AUH: variants seen among roughly 807,000 people sequenced by gnomAD.
AUH encodes AU RNA binding methylglutaconyl-CoA hydratase.
Under a neutral mutation model 42.3 loss-of-function variants are expected in AUH, and 29 were observed. The ratio of observed to expected loss-of-function variants is 0.69; its 90% CI spans 0.51 to 0.93. The LOEUF (loss-of-function observed/expected upper bound fraction) is 0.93. Among genes scored for constraint, AUH ranks in the 40% least tolerant of loss-of-function variants. The probability of loss-of-function intolerance (pLI) is 0.00; values close to 1 mark genes in which losing one functional copy is unlikely to be tolerated. For missense variants in AUH, 452 were observed against 438.1 expected (o/e 1.03, Z -0.28); for synonymous variants, 174 against 166.4 (o/e 1.05, Z -0.35).
At chr9:91,361,386 T>C (rs1458959145) in intron 1 of AUH, among the ~76,000 whole-genome samples, 1 of 152,222 alleles carries the variant, frequency 6.6e-6, no homozygotes, top group Non-Finnish European at 1.5e-5. Flanking sequence ...CCGCGCTGAA[T>C]GCGGTCACTT....
intron 6 of AUH, among the ~76,000 whole-genome samples, chr9:91,227,037 T>C (rs1827540243): frequency 6.6e-6 from 1 of 151,946 alleles, no homozygotes; most frequent in Non-Finnish European, 1.5e-5. Context: ...CAATGCGGGC[T>C]CTTTTTTGGT....
At chr9:91,356,453 A>C (rs1832425252) in intron 1 of AUH, among the ~76,000 whole-genome samples, 1 of 152,236 alleles carries the variant, frequency 6.6e-6, no homozygotes, top group Non-Finnish European at 1.5e-5. Flanking sequence ...GTAACCGCTA[A>C]TAAACCTTGT....
chr9:91,222,342 G>A (rs377537639), intron 6 of AUH, among the ~76,000 whole-genome samples: 21 of 152,172 alleles, frequency 1.4e-4, no homozygotes, highest in Admixed American at 2.0e-4. Context: ...GTTAAGAACC[G>A]TAATTAATAT....
chr9:91,253,015 T>C (rs1829220357), intron 6 of AUH, among the ~76,000 whole-genome samples: 1 of 152,226 alleles, frequency 6.6e-6, no homozygotes, highest in South Asian at 2.1e-4. Context: ...GGTCCATTAC[T>C]CTTCAGAGAA....
At chr9:91,321,389 GT>G (rs750854460) in intron 4 of AUH, among the ~76,000 whole-genome samples, 1 of 151,574 alleles carries the variant, frequency 6.6e-6, no homozygotes, top group African/African-American at 2.4e-5. Context: ...TTTTTGTTTT[GT>G]TTTTTCTTGA....
chr9:91,275,866 C>A (rs1825499737), intron 6 of AUH, among the ~76,000 whole-genome samples: 1 of 152,176 alleles, frequency 6.6e-6, no homozygotes, highest in South Asian at 2.1e-4. Flanking sequence ...CTAGACAGCA[C>A]ATCTGAACAT....
intron 6 of AUH, among the ~76,000 whole-genome samples, chr9:91,286,964 G>T (rs1587775640): frequency 1.3e-5 from 2 of 152,046 alleles, no homozygotes; most frequent in East Asian, 3.9e-4. Flanking sequence ...ACACACTAAT[G>T]AGTATATGAG....
At chr9:91,258,438 T>C (rs1829527502) in intron 6 of AUH, among the ~76,000 whole-genome samples, 1 of 152,218 alleles carries the variant, frequency 6.6e-6, no homozygotes, top group East Asian at 1.9e-4. Context: ...TTTCACCATG[T>C]TGGTCAGGCT....
At chr9:91,216,775 G>A (rs1826844837) in intron 8 of AUH, among the ~76,000 whole-genome samples, 1 of 152,160 alleles carries the variant, frequency 6.6e-6, no homozygotes, top group African/African-American at 2.4e-5. Context: ...CAGGCCTGGG[G>A]CCTTCACTCT....
chr9:91,357,228 C>A (rs953985363), intron 1 of AUH, among the ~76,000 whole-genome samples: 1 of 152,174 alleles, frequency 6.6e-6, no homozygotes, highest in African/African-American at 2.4e-5. Flanking sequence ...AGGCACTGCT[C>A]CAGGTGCTTT....
intron 6 of AUH, among the ~76,000 whole-genome samples, chr9:91,280,047 A>G (rs1163141348): frequency 6.6e-6 from 1 of 152,190 alleles, no homozygotes; most frequent in African/African-American, 2.4e-5. Context: ...AGTCCAAACA[A>G]TTCACACCCT....
intron 6 of AUH, among the ~76,000 whole-genome samples, chr9:91,232,068 T>C (rs542892189): frequency 1.3e-5 from 2 of 152,306 alleles, no homozygotes; most frequent in African/African-American, 4.8e-5. Context: ...GATTGACTCT[T>C]TCTACAATGT....
intron 3 of AUH, among the ~76,000 whole-genome samples, chr9:91,326,432 T>C (rs1437209436): frequency 1.3e-5 from 2 of 152,070 alleles, no homozygotes; most frequent in Admixed American, 6.6e-5. Flanking sequence ...AAAAAATGGA[T>C]ATAACCTAAA....
chr9:91,292,081 C>G (rs1413303130), intron 6 of AUH, among the ~76,000 whole-genome samples: 1 of 152,100 alleles, frequency 6.6e-6, no homozygotes, highest in Admixed American at 6.5e-5. Context: ...TTGGGTGATG[C>G]AAGATTTCAT....
At chr9:91,335,312 G>A (rs1830617143) in intron 3 of AUH, among the ~76,000 whole-genome samples, 1 of 148,208 alleles carries the variant, frequency 6.7e-6, no homozygotes, top group African/African-American at 2.6e-5. Context: ...TTATTTTCTA[G>A]TAATTTATCT....
intron 4 of AUH, among the ~76,000 whole-genome samples, chr9:91,303,123 G>A (rs1827934548): frequency 6.6e-6 from 1 of 152,150 alleles, no homozygotes; most frequent in South Asian, 2.1e-4. Context: ...AGGGAAAAAA[G>A]CAACTGTAAG....
chr9:91,263,307 C>G (rs576465654), intron 6 of AUH, among the ~76,000 whole-genome samples: 1 of 152,272 alleles, frequency 6.6e-6, no homozygotes, highest in African/African-American at 2.4e-5. Context: ...GAGCTGTATT[C>G]ACTTGTTTCT....
At chr9:91,248,862 C>T (rs1405386612) in intron 6 of AUH, among the ~76,000 whole-genome samples, 3 of 152,120 alleles carry the variant, frequency 2.0e-5, no homozygotes, top group East Asian at 1.9e-4. Context: ...TGATGTTAAG[C>T]GAGGACTTAC....
At chr9:91,269,214 C>T (rs1039020532) in intron 6 of AUH, among the ~76,000 whole-genome samples, 6 of 152,062 alleles carry the variant, frequency 3.9e-5, no homozygotes, top group African/African-American at 7.2e-5. Flanking sequence ...CTCCTGACCT[C>T]GTGATCCGCC....
Sources: gnomAD v4.1 joint callset for allele counts (sites outside exome capture counted in the v4.1 genomes callset) on GRCh38, gnomAD v4.1.1 for gene constraint, MANE v1.5 for transcripts, NCBI Gene and HGNC (gene_info 2026-07-23, HGNC 2026-07-21) for gene names.